Variants in SLC35B1 observed in about 807,000 individuals in gnomAD.
SLC35B1 encodes ATP/ADP exchanger ER.
A neutral mutation model predicts 36.6 loss-of-function variants in SLC35B1; 27 were observed. The observed-to-expected ratio is 0.74, with a 90% CI of 0.54 to 1.02. SLC35B1 has a LOEUF of 1.02. Among genes scored for constraint, SLC35B1 ranks in the 50% least tolerant of loss-of-function variants. The pLI, the probability that SLC35B1 is intolerant of heterozygous loss-of-function variation, is 0.00. For synonymous variants in SLC35B1, 162 were observed against 152.5 expected, an observed-to-expected ratio of 1.06 and a Z score of -0.46; for missense variants, 321 against 383.2, an observed-to-expected ratio of 0.84 and a Z score of 1.35.
chr17:49,701,747 T>C (rs193195188), intron 8 of SLC35B1: 70 of 456,832 alleles, frequency 1.5e-4, no homozygotes, highest in African/African-American at 1.2e-3. Context: ...CAGATAGATA[T>C]AGATACATAT....
At position 49,706,346 on chromosome 17, in the gene SLC35B1, C is replaced by CAAAAAAAAAAAAAAAAAAGAAAAAAAA. The variant is rs2073417529; in HGVS notation, c.209-13_209-12insTTTTTTTTCTTTTTTTTTTTTTTTTTT. On this transcript the variant is annotated splice_polypyrimidine_tract_variant and intron_variant, in intron 2 of 8. Transcript: ENST00000240333. ...AAAAAACTGGATCACTGGGAGAAGA[C>CAAAAAAAAAAAAAAAAAAGAAAAAAAA]AAAAAAAAAAAAAAAAAAAGAAAAG... 1.2e-5 allele frequency: 9 copies of CAAAAAAAAAAAAAAAAAAGAAAAAAAA among 733,612 alleles called. No homozygotes were observed. The South Asian group carries it at 1.4e-4, about 11-fold the overall frequency. 45.4% of individuals were successfully genotyped at this position (733,612 alleles called of 1,614,324 possible).
At chr17:49,703,080 A>T in intron 7 of SLC35B1, 69 bp from the exon 8 acceptor site, 1 of 1,602,404 alleles carries the variant, frequency 6.2e-7, no homozygotes, top group South Asian at 1.1e-5. Context: ...GTCTATAAAC[A>T]GACCTCAGGG....
rs775457397 is a variant in SLC35B1, at chr17:49,705,316, T to G, written c.371-35A>C. 1.2e-5 allele frequency: 20 copies of G among 1,607,962 alleles called. No individual in the cohort carries two copies. In the South Asian group the frequency reaches 2.0e-4, roughly 16 times the overall value. ...AAAAACAGAGTGGAAAATTCAGGCA[T>G]CCATAAGGTATTGATGACCCCAATG... On this transcript the variant is annotated intron_variant, in intron 4 of 8. Coordinates refer to ENST00000240333, the MANE Select transcript of SLC35B1 (RefSeq NM_005827.4).
intron 1 of SLC35B1, chr17:49,707,425 AAAGGG>A: frequency 6.9e-7 from 1 of 1,449,816 alleles, no homozygotes; most frequent in Middle Eastern, 1.8e-4. Context: ...GGGAGTACCA[AAAGGG>A]GGCCGACTCG....
rs1035451760 is a variant in SLC35B1 at position 49,703,623 on chromosome 17, T to C, written c.656-329A>G. The C allele has an allele frequency of 1.0e-4, 36 of 352,240 alleles. No individual in the cohort carries two copies. The East Asian group carries it at 2.4e-3, about 24-fold the overall frequency. 21.8% of individuals were successfully genotyped at this position (352,240 alleles called of 1,614,324 possible). Reference sequence around the variant, plus strand: ...CACATCCTTAGCTCAAGGAAGCCCCTCGCATTAGTCACCTTCAGCCATCAG... The same window carrying C: ...CACATCCTTAGCTCAAGGAAGCCCCCCGCATTAGTCACCTTCAGCCATCAG... On this transcript the variant is annotated intron_variant, in intron 6 of 8. Coordinates refer to ENST00000240333, the MANE Select transcript of SLC35B1 (RefSeq NM_005827.4).
rs1347339994 is a variant in SLC35B1 at position 49,702,857 on chromosome 17, C to T, written c.916+1G>A. The T allele has an allele frequency of 3.1e-6, 5 of 1,613,002 alleles. No homozygotes were observed. Among genetic ancestry groups the T allele is most frequent in the African/African-American group, 1.3e-5 (1 of 74,970 alleles). On this transcript the variant is annotated splice_donor_variant, in intron 8 of 8. Transcript: ENST00000240333. LOFTEE classifies it high-confidence loss of function. The stretch of plus-strand genomic sequence containing the variant: ...CACTGTGTCTCTGTGTGGCCACTTA[C>T]CCAGGAACACAAGCACAGTGCCCAC...
rs1158864269 is a variant in SLC35B1 at position 49,702,758 on chromosome 17, A to G, written c.916+100T>C. On this transcript the variant is annotated intron_variant, in intron 8 of 8. Coordinates refer to ENST00000240333, the MANE Select transcript of SLC35B1 (RefSeq NM_005827.4). ...CGAAACTCCGTCTCAAAAAAAAGAG[A>G]AAAGTTTTCTCTAAAATATTTAAAC... 5 of 1,354,796 alleles carry G rather than the reference A, an allele frequency of 3.7e-6. No individual in the cohort carries two copies. The Admixed American group carries it at 6.7e-5, about 18-fold the overall frequency. The allele number at this position is 1,354,796 out of a possible 1,614,324, so 83.9% of individuals were successfully genotyped here.
intron 6 of SLC35B1, 40 bp downstream of exon 6, chr17:49,704,060 T>A (rs769049208): frequency 3.7e-6 from 6 of 1,613,272 alleles, no homozygotes; most frequent in Non-Finnish European, 5.1e-6. Flanking sequence ...CAGCCTGCCC[T>A]CTGGTGATAC....
At chr17:49,705,760 C>G in intron 4 of SLC35B1, 106 bp downstream of exon 4, 1 of 1,085,748 alleles carries the variant, frequency 9.2e-7, no homozygotes, top group South Asian at 1.3e-5. Context: ...TCCCTGGAGA[C>G]AGCCATGATG....
chr17:49,705,951 T>C, intron 3 of SLC35B1, 55 bp from the exon 4 acceptor site: 1 of 1,544,386 alleles, frequency 6.5e-7, no homozygotes, highest in Non-Finnish European at 9.0e-7. Context: ...TCAGGTACTA[T>C]GCTAGGTACC....
chr17:49,707,392 G>C (rs1294982788), intron 1 of SLC35B1: 10 of 1,433,330 alleles, frequency 7.0e-6, no homozygotes, highest in Non-Finnish European at 9.2e-6. Flanking sequence ...GGCCGAGGAC[G>C]AATAGGTTGT....
intron 2 of SLC35B1, 55 bp from the exon 3 acceptor site, chr17:49,706,389 A>AC: frequency 7.0e-7 from 1 of 1,423,174 alleles, no homozygotes; most frequent in South Asian, 1.6e-5. Context: ...AAAAAAAAAA[A>AC]AACAAGAGAA....
At chr17:49,706,371 GAAAAGA>G in intron 2 of SLC35B1, 37 bp from the exon 3 acceptor site, 19 of 440,680 alleles carry the variant, frequency 4.3e-5, no homozygotes, top group South Asian at 1.9e-4. Flanking sequence ...AAAAAGAAAA[GAAAAGA>G]AAAAAAAAAA....
intron 5 of SLC35B1, 127 bp from the exon 6 acceptor site, chr17:49,704,353 T>G (rs192032752): frequency 1.8e-5 from 22 of 1,218,780 alleles, no homozygotes; most frequent in Non-Finnish European, 1.1e-6. Context: ...GAACAAAACG[T>G]TGCCATTTGG....
intron 6 of SLC35B1, 73 bp downstream of exon 6, chr17:49,704,027 T>C: frequency 6.2e-7 from 1 of 1,603,956 alleles, no homozygotes; most frequent in Middle Eastern, 1.7e-4. Context: ...AACTAACAGC[T>C]AGAGGGATCA....
intron 8 of SLC35B1, chr17:49,701,711 TATATAA>T (rs200221576): frequency 0.013 from 6,673 of 530,792 alleles, 101 homozygotes; most frequent in South Asian, 0.038. Flanking sequence ...TATCTGTATC[TATATAA>T]ATATATCTAT....
At chr17:49,702,687 A>G (rs2073365937) in intron 8 of SLC35B1, 171 bp downstream of exon 8, 3 of 632,646 alleles carry the variant, frequency 4.7e-6, no homozygotes, top group Non-Finnish European at 7.9e-6. Context: ...CCGATTGGTG[A>G]GCTGAGATCG....
rs1366844703 is a variant in SLC35B1, at chr17:49,707,937, G to A, written c.-104C>T. On this transcript the variant is annotated 5_prime_UTR_variant, in exon 1 of 9. Transcript: ENST00000240333. ...CCGGACATCGCCGACCGGCGGCAGG[G>A]GCCTCATAGGAGCTGCATGCGACCG... The A allele has an allele frequency of 7.7e-6, 12 of 1,558,942 alleles. No individual in the cohort carries two copies. The highest frequency in any genetic ancestry group is 3.5e-5 in the South Asian group (3 of 85,388).
Position 49,703,019 on chromosome 17 carries a change from A to C in SLC35B1, c.763-8T>G, listed in dbSNP as rs1427832754. 6 of 1,613,940 alleles carry C rather than the reference A, an allele frequency of 3.7e-6. No individual in the cohort carries two copies. Among genetic ancestry groups the C allele is most frequent in the Non-Finnish European group, 4.2e-6 (5 of 1,180,014 alleles). On this transcript the variant is annotated splice_polypyrimidine_tract_variant and splice_region_variant and intron_variant, in intron 7 of 8. Transcript: ENST00000240333. ...CGTCATAAAGATGAAGCTCTAGAGA[A>C]AGATAAAGGTGAGGTCCGGTGGGCT...
Sources: gnomAD v4.1 joint callset for allele counts on GRCh38, gnomAD v4.1.1 for gene constraint, MANE v1.5 for transcripts, NCBI Gene and HGNC (gene_info 2026-07-23, HGNC 2026-07-21) for gene names.